The following RNF115 variants were observed in gnomAD, a reference collection of about 807,000 sequenced individuals.
RNF115 encodes the protein E3 ubiquitin-protein ligase RNF115.
In RNF115, 31 loss-of-function variants were observed where a neutral mutation model predicts 39.2. The observed-to-expected ratio is 0.79, with a 90% CI of 0.59 to 1.07. RNF115 has a LOEUF of 1.07. Ranked by LOEUF, RNF115 falls within the 50% of genes least tolerant of loss-of-function variation. The pLI is 0.00. For missense variants in RNF115, 384 were observed against 381.7 expected (o/e 1.01, Z -0.05); for synonymous variants, 124 against 131.0 (o/e 0.95, Z 0.37).
At chr1:145,751,751 C>A (rs34695381) in intron 5 of RNF115, among the ~76,000 whole-genome samples, 1 of 152,070 alleles carries the variant, frequency 6.6e-6, no homozygotes, top group African/African-American at 2.4e-5. Context: ...ACCTAAAGTA[C>A]CACATGACAC....
intron 1 of RNF115, among the ~76,000 whole-genome samples, chr1:145,798,985 T>C (rs1649102983): frequency 6.6e-6 from 1 of 152,150 alleles, no homozygotes. Flanking sequence ...ACATAACTAA[T>C]TTTTGTGTGT....
At chr1:145,784,748 T>G in intron 2 of RNF115, 152 bp from the exon 3 acceptor site, 1 of 623,816 alleles carries the variant, frequency 1.6e-6, no homozygotes, top group Non-Finnish European at 2.9e-6. Context: ...TATGAATAAC[T>G]GGCATGTGAA....
chr1:145,753,237 T>C (rs1219388497), intron 4 of RNF115, among the ~76,000 whole-genome samples, 188 bp from the exon 5 acceptor site: 1 of 152,222 alleles, frequency 6.6e-6, no homozygotes, highest in East Asian at 1.9e-4. Context: ...ATGGCTATCT[T>C]CCTGAGCTCT....
rs12564631 is a variant in RNF115, at chr1:145,800,648, G to A, written c.103-11682C>T. On this transcript the variant is annotated intron_variant, in intron 1 of 8. Transcript: ENST00000582693. ...CACTGAGACATCAGACAAGTAAAAG[G>A]AAAACACCATCTTGGATCCAGCCTA... Among the ~76,000 whole-genome samples the A allele has an allele frequency of 5.8e-4, 89 of 152,234 alleles. No homozygotes were observed. The East Asian group carries it at 0.017, about 28-fold the overall frequency.
chr1:145,751,540 G>A, intron 5 of RNF115, 30 bp from the exon 6 acceptor site: 1 of 1,520,650 alleles, frequency 6.6e-7, no homozygotes, highest in South Asian at 1.2e-5. Context: ...GACAGCATTA[G>A]ATGGAGTGAC....
Position 145,747,997 on chromosome 1 carries a change from G to T in RNF115, c.781C>A (p.Leu261Met), listed in dbSNP as rs782021801. 16 of 1,608,486 alleles carry T rather than the reference G, an allele frequency of 9.9e-6. No individual in the cohort carries two copies. The highest frequency in any genetic ancestry group is 1.3e-5 in the Non-Finnish European group (15 of 1,175,038). Residue 261 changes from leucine to methionine, a missense_variant and splice_region_variant, in exon 8 of 9, where the codon CTG (leucine) becomes ATG (methionine). Transcript: ENST00000582693. The part of the protein sequence containing the change: ...HSSCIVPWLE[L>M]HDTCPVCRKS... The stretch of plus-strand genomic sequence containing the variant: ...AAGCCATGACTTGCTGTACTCACCA[G>T]TTCTAGCCACGGCACAATACAACTG...
At chr1:145,805,361 C>T (rs1649416499) in intron 1 of RNF115, among the ~76,000 whole-genome samples, 1 of 151,536 alleles carries the variant, frequency 6.6e-6, no homozygotes, top group Admixed American at 6.6e-5. Context: ...GTAAATGCAA[C>T]CTCAAAGCAA....
rs373163041 is a variant in RNF115, at chr1:145,815,566, T to C, written c.102+8206A>G. Among the ~76,000 whole-genome samples the C allele has an allele frequency of 1.8e-4, 28 of 152,376 alleles. No homozygotes were observed. The East Asian group carries it at 4.8e-3, about 26-fold the overall frequency. ...AATGGAATAACACCTTTACACTCCA[T>C]GACACAGCCCTCTGTGGTGTACTAC... On this transcript the variant is annotated intron_variant, in intron 1 of 8. Transcript: ENST00000582693.
At chr1:145,764,208 ACTCAGTGCT>A (rs1254154327) in intron 4 of RNF115, among the ~76,000 whole-genome samples, 1 of 151,960 alleles carries the variant, frequency 6.6e-6, no homozygotes, top group Non-Finnish European at 1.5e-5. Context: ...AGTCTTGTTC[ACTCAGTGCT>A]CAATGTTGCC....
At position 145,767,014 on chromosome 1, in the gene RNF115, T is replaced by C. The variant is rs28683180; in HGVS notation, c.428+4697A>G. 3.2e-3 allele frequency among the ~76,000 whole-genome samples: 322 copies of C among 99,368 alleles called. 1 individual carries two copies. Among genetic ancestry groups the C allele is most frequent in the Middle Eastern group, 0.014 (2 of 138 alleles). The allele number at this position is 99,368 out of a possible 152,430, so 65.2% of individuals were successfully genotyped here. ...GGGGCTCCTCACTTCCCAGTAGGGG[T>C]GGCCGGGCAGAGGCGCCCCTCACCT... On this transcript the variant is annotated intron_variant, in intron 4 of 8. Transcript: ENST00000582693.
intron 4 of RNF115, among the ~76,000 whole-genome samples, chr1:145,767,764 A>G (rs1303593745): frequency 6.6e-6 from 1 of 152,260 alleles, no homozygotes; most frequent in Non-Finnish European, 1.5e-5. Flanking sequence ...CGCGGTTAGC[A>G]GCTGGAGACC....
intron 2 of RNF115, among the ~76,000 whole-genome samples, chr1:145,784,995 A>C (rs1287838182): frequency 6.6e-6 from 1 of 152,220 alleles, no homozygotes; most frequent in Non-Finnish European, 1.5e-5. Context: ...TACAATAGTT[A>C]ATATTTCTTA....
At chr1:145,766,918 G>T (rs1207379338) in intron 4 of RNF115, among the ~76,000 whole-genome samples, 1 of 90,910 alleles carries the variant, frequency 1.1e-5, no homozygotes, top group Non-Finnish European at 2.2e-5. Flanking sequence ...CCCGGACGGG[G>T]CGGCTGGCCG....
chr1:145,797,683 T>C (rs587598276), intron 1 of RNF115, among the ~76,000 whole-genome samples: 6 of 152,314 alleles, frequency 3.9e-5, no homozygotes, highest in East Asian at 3.9e-4. Flanking sequence ...ATGGATTACA[T>C]AGTAATTCTA....
chr1:145,792,041 G>A (rs940345003), intron 1 of RNF115, among the ~76,000 whole-genome samples: 1 of 151,420 alleles, frequency 6.6e-6, no homozygotes, highest in Admixed American at 6.6e-5. Flanking sequence ...AGGCAATCCT[G>A]CCGGCCTCAG....
At chr1:145,766,749 G>A (rs868935781) in intron 4 of RNF115, among the ~76,000 whole-genome samples, 19 of 106,782 alleles carry the variant, frequency 1.8e-4, no homozygotes, top group Admixed American at 5.1e-4. Context: ...AGGGGCGGCC[G>A]GGCAGAGGCG....
chr1:145,781,896 T>C (rs1273280633), intron 3 of RNF115, among the ~76,000 whole-genome samples: 5 of 150,876 alleles, frequency 3.3e-5, no homozygotes, highest in African/African-American at 1.2e-4. Context: ...TCTGTACACT[T>C]TTCCTTTTTT....
intron 4 of RNF115, among the ~76,000 whole-genome samples, chr1:145,765,553 C>G (rs1202619883): frequency 1.3e-5 from 2 of 152,180 alleles, no homozygotes; most frequent in Non-Finnish European, 2.9e-5. Context: ...AAACAACCAT[C>G]TGATTGCTTT....
chr1:145,752,847 A>G (rs1571708159), intron 5 of RNF115, 131 bp downstream of exon 5: 4 of 619,012 alleles, frequency 6.5e-6, no homozygotes, highest in East Asian at 5.8e-5. Flanking sequence ...TCGGCCTCCC[A>G]AAGTGCTGGG....
Sources: allele counts gnomAD v4.1 joint callset (sites outside exome capture counted in the v4.1 genomes callset), GRCh38; gene constraint gnomAD v4.1.1; transcripts MANE v1.5; gene names NCBI Gene and HGNC (gene_info 2026-07-23, HGNC 2026-07-21).